ZNF385D: variants seen among roughly 807,000 people sequenced by gnomAD.
ZNF385D encodes zinc finger protein 385D, also known as zinc finger protein 659.
In ZNF385D, 15 loss-of-function variants were observed where a neutral mutation model predicts 35.8. The ratio of observed to expected loss-of-function variants is 0.42; its 90% CI spans 0.28 to 0.64. The LOEUF is 0.64. Ranked by LOEUF, ZNF385D falls within the 30% of genes least tolerant of loss-of-function variation. The probability of loss-of-function intolerance (pLI) is 0.23; values close to 1 mark genes in which losing one functional copy is unlikely to be tolerated. For synonymous variants in ZNF385D, 212 were observed against 186.8 expected (o/e 1.13, Z -1.10); for missense variants, 474 against 494.6 (o/e 0.96, Z 0.39).
chr3:21,462,872 C>T (rs2125317131), intron 4 of ZNF385D, among the ~76,000 whole-genome samples: 1 of 152,220 alleles, frequency 6.6e-6, no homozygotes, highest in South Asian at 2.1e-4. Flanking sequence ...ATCCCAGCTA[C>T]TCAGGAAGTT....
At chr3:22,334,290 G>C (rs1361000751) in intron 2 of ZNF385D, among the ~76,000 whole-genome samples, 8 of 151,852 alleles carry the variant, frequency 5.3e-5, no homozygotes, top group Admixed American at 5.3e-4. Context: ...TAGCTTTACA[G>C]TTCTATGTTC....
chr3:21,973,075 G>T lies in ZNF385D; in HGVS notation c.325+195742C>A, dbSNP rs1049173516. Among the ~76,000 whole-genome samples the T allele has an allele frequency of 3.0e-4, 45 of 151,734 alleles. 1 individual carries two copies. Among genetic ancestry groups the T allele is most frequent in the African/African-American group, 1.1e-3 (44 of 41,378 alleles). On this transcript the variant is annotated intron_variant, in intron 3 of 5. Transcript: ENST00000494108. ...TTCCAAACTCATTCTATGAGATCAG[G>T]ATTACACTGATAATAAAACCAGAAA... is the stretch of plus-strand genomic sequence containing the variant.
intron 2 of ZNF385D, among the ~76,000 whole-genome samples, chr3:22,346,348 T>A (rs1695659133): frequency 6.6e-6 from 1 of 152,244 alleles, no homozygotes; most frequent in Non-Finnish European, 1.5e-5. Context: ...CAATCTGGAT[T>A]TTTTGAAGCA....
chr3:21,667,640 C>A (rs927472520), intron 1 of ZNF385D, among the ~76,000 whole-genome samples: 1 of 152,160 alleles, frequency 6.6e-6, no homozygotes, highest in Non-Finnish European at 1.5e-5. Context: ...GCAGAAAATA[C>A]CATGCTTATA....
intron 3 of ZNF385D, among the ~76,000 whole-genome samples, chr3:21,811,386 T>C (rs1389275657): frequency 6.6e-6 from 1 of 151,984 alleles, no homozygotes; most frequent in Non-Finnish European, 1.5e-5. Flanking sequence ...AAGCAAGAAG[T>C]TTATCAAAGA....
At chr3:21,782,621 C>A (rs1301157624) in intron 3 of ZNF385D, among the ~76,000 whole-genome samples, 1 of 152,062 alleles carries the variant, frequency 6.6e-6, no homozygotes, top group Non-Finnish European at 1.5e-5. Context: ...CTTAACGTCT[C>A]TGAAATTGTT....
intron 2 of ZNF385D, among the ~76,000 whole-genome samples, chr3:21,570,513 A>C (rs989635845): frequency 2.6e-5 from 4 of 152,172 alleles, no homozygotes; most frequent in Admixed American, 2.6e-4. Context: ...CACAGTTCTT[A>C]AACCAAAGAA....
chr3:21,557,105 A>G (rs1468699708), intron 3 of ZNF385D, among the ~76,000 whole-genome samples: 1 of 152,206 alleles, frequency 6.6e-6, no homozygotes, highest in Non-Finnish European at 1.5e-5. Flanking sequence ...CAATCATGTC[A>G]TCTGCAAACA....
At chr3:22,285,375 A>G (rs1162610118) in intron 2 of ZNF385D, among the ~76,000 whole-genome samples, 2 of 152,132 alleles carry the variant, frequency 1.3e-5, no homozygotes, top group Admixed American at 6.5e-5. Flanking sequence ...CAAATGACAA[A>G]TATTTATTTT....
intron 3 of ZNF385D, among the ~76,000 whole-genome samples, chr3:21,926,139 A>T (rs909293262): frequency 6.1e-5 from 9 of 148,426 alleles, no homozygotes; most frequent in South Asian, 2.1e-4. Context: ...GCCCTCTCCA[A>T]TTTTTTTTTT....
intron 3 of ZNF385D, among the ~76,000 whole-genome samples, chr3:22,041,826 A>G (rs1200225050): frequency 5.9e-5 from 9 of 152,160 alleles, no homozygotes; most frequent in Non-Finnish European, 2.9e-5. Flanking sequence ...ATGGTTGAAA[A>G]AAACAGGAAG....
In ZNF385D at chr3:21,658,103, T is replaced by C. The variant is rs114388592; in HGVS notation, c.165+6783A>G. On this transcript the variant is annotated intron_variant, in intron 2 of 7. Coordinates refer to ENST00000281523, the MANE Select transcript of ZNF385D (RefSeq NM_024697.3). ...TATAAGTGTACATCTAAGCTAAAGT[T>C]CTAGAATAATCTCTATATGTTAAGC... Among the ~76,000 whole-genome samples, 245 of 152,152 alleles carry C rather than the reference T, an allele frequency of 1.6e-3. 1 individual carries two copies. Among genetic ancestry groups the C allele is most frequent in the African/African-American group, 5.7e-3 (235 of 41,566 alleles).
chr3:21,496,229 T>A (rs989992749), intron 4 of ZNF385D, among the ~76,000 whole-genome samples: 3 of 149,506 alleles, frequency 2.0e-5, no homozygotes, highest in Non-Finnish European at 4.4e-5. Context: ...TACCTAAAGT[T>A]GGCAGAGATA....
At chr3:21,659,030 T>TTCTGCCTTTCCTCCTCCC (rs2066157068) in intron 2 of ZNF385D, among the ~76,000 whole-genome samples, 1 of 152,042 alleles carries the variant, frequency 6.6e-6, no homozygotes, top group Non-Finnish European at 1.5e-5. Flanking sequence ...TTCCTCCTCC[T>TTCTGCCTTTCCTCCTCCC]TCTGCCTTTC....
At chr3:21,657,734 T>C (rs2066115780) in intron 2 of ZNF385D, among the ~76,000 whole-genome samples, 1 of 152,020 alleles carries the variant, frequency 6.6e-6, no homozygotes, top group Admixed American at 6.6e-5. Flanking sequence ...GCTGCTTACC[T>C]ATTTTAGTGG....
At chr3:21,871,078 C>A (rs1255919631) in intron 3 of ZNF385D, among the ~76,000 whole-genome samples, 3 of 152,290 alleles carry the variant, frequency 2.0e-5, no homozygotes, top group Admixed American at 2.0e-4. Context: ...CCTGAAGACT[C>A]TCCCCAACTC....
chr3:21,989,275 C>T (rs760730056), intron 3 of ZNF385D, among the ~76,000 whole-genome samples: 1 of 152,130 alleles, frequency 6.6e-6, no homozygotes, highest in African/African-American at 2.4e-5. Context: ...CTTACAACTA[C>T]AATTTTTTAA....
chr3:21,931,288 A>C (rs1700995059), intron 3 of ZNF385D, among the ~76,000 whole-genome samples: 1 of 152,214 alleles, frequency 6.6e-6, no homozygotes, highest in Non-Finnish European at 1.5e-5. Flanking sequence ...AAAAGGAAAG[A>C]CAGTAACAAG....
At chr3:22,137,918 AC>A (rs1704253083) in intron 3 of ZNF385D, among the ~76,000 whole-genome samples, 1 of 151,900 alleles carries the variant, frequency 6.6e-6, no homozygotes, top group African/African-American at 2.4e-5. Context: ...TATCTAGAAA[AC>A]CCCATCGTCT....
Sources: allele counts gnomAD v4.1 joint callset (sites outside exome capture counted in the v4.1 genomes callset), GRCh38; gene constraint gnomAD v4.1.1; transcripts MANE v1.5; gene names NCBI Gene and HGNC (gene_info 2026-07-23, HGNC 2026-07-21).